Variants in GTF2I observed in about 807,000 individuals in gnomAD.
GTF2I encodes the protein general transcription factor II-I.
A neutral mutation model predicts 67.6 loss-of-function variants in GTF2I; 12 were observed. The observed-to-expected ratio is 0.18, with a 90% CI of 0.11 to 0.29. The LOEUF (loss-of-function observed/expected upper bound fraction) is 0.29. Among genes scored for constraint, GTF2I ranks in the 10% least tolerant of loss-of-function variants. The pLI is 1.00. For missense variants in GTF2I, 271 were observed against 580.1 expected (o/e 0.47, Z 5.47); for synonymous variants, 149 against 197.0 (o/e 0.76, Z 2.04).
chr7:74,686,257 A>G (rs1787718809), intron 1 of GTF2I, among the ~76,000 whole-genome samples: 1 of 152,094 alleles, frequency 6.6e-6, no homozygotes, highest in Non-Finnish European at 1.5e-5. Flanking sequence ...TTAGGTGTGA[A>G]AAGTTGGGGT....
intron 12 of GTF2I, chr7:74,727,710 T>A (rs2131500865): frequency 1.3e-5 from 2 of 152,306 alleles, no homozygotes. Context: ...GCAGCAATAT[T>A]AATAGCATGT....
intron 1 of GTF2I, among the ~76,000 whole-genome samples, chr7:74,676,343 C>T (rs1235154771): frequency 1.3e-5 from 2 of 152,158 alleles, no homozygotes; most frequent in African/African-American, 2.4e-5. Context: ...TATAGCCAGA[C>T]GTGGTGGCAG....
At chr7:74,709,475 C>G (rs1791230321) in intron 8 of GTF2I, among the ~76,000 whole-genome samples, 1 of 151,994 alleles carries the variant, frequency 6.6e-6, no homozygotes, top group Non-Finnish European at 1.5e-5. Context: ...CCAGGCTGGT[C>G]TTGAACTCCT....
chr7:74,731,385 A>G (rs1305792752), intron 14 of GTF2I, among the ~76,000 whole-genome samples: 1 of 142,684 alleles, frequency 7.0e-6, no homozygotes, highest in East Asian at 2.1e-4. Flanking sequence ...CATGAGTAAT[A>G]TAACCTACCC....
At chr7:74,663,802 A>T (rs1554387509) in intron 1 of GTF2I, among the ~76,000 whole-genome samples, 1 of 151,986 alleles carries the variant, frequency 6.6e-6, no homozygotes, top group East Asian at 1.9e-4. Flanking sequence ...GTCTTAGAAG[A>T]TGTGTGTTTT....
chr7:74,703,189 T>A (rs587766430), intron 6 of GTF2I, among the ~76,000 whole-genome samples: 18 of 150,836 alleles, frequency 1.2e-4, no homozygotes, highest in South Asian at 8.4e-4. Context: ...TAAAAAAAAA[T>A]TTTTTTTTTC....
intron 3 of GTF2I, among the ~76,000 whole-genome samples, chr7:74,698,742 GACTTGC>G (rs1554399043): frequency 6.6e-6 from 1 of 151,986 alleles, no homozygotes; most frequent in African/African-American, 2.4e-5. Context: ...AATCACAAAT[GACTTGC>G]TATTTTGTTA....
Position 74,657,763 on chromosome 7 carries a change from C to T in GTF2I, c.-311C>T. ...AGAGAAAAGGGGCCACCGGTCGCCC[C>T]CCCGCTTCCCCGCACGCGCTCTCCA... On this transcript the variant is annotated 5_prime_UTR_variant, in exon 1 of 35. Coordinates refer to ENST00000573035, the MANE Select transcript of GTF2I (RefSeq NM_032999.4). The T allele has an allele frequency of 6.6e-6, 1 of 152,418 alleles. No individual in the cohort carries two copies. Among genetic ancestry groups the T allele is most frequent in the Non-Finnish European group, 1.5e-5 (1 of 68,294 alleles). 9.4% of individuals were successfully genotyped at this position (152,418 alleles called of 1,614,324 possible). A position where few individuals can be genotyped will look rare whatever the true frequency, so the allele number is the denominator to read the frequency against.
chr7:74,704,448 A>T (rs1790319198), intron 6 of GTF2I, among the ~76,000 whole-genome samples: 1 of 151,568 alleles, frequency 6.6e-6, no homozygotes, highest in Non-Finnish European at 1.5e-5. Context: ...CCGCCACCAC[A>T]CCTGGCTAAT....
intron 1 of GTF2I, among the ~76,000 whole-genome samples, chr7:74,669,996 G>T (rs1562937198): frequency 1.3e-5 from 2 of 152,056 alleles, no homozygotes; most frequent in Non-Finnish European, 2.9e-5. Context: ...CAGAAAATAG[G>T]TTATTTTATT....
rs1794490128 is a variant in GTF2I, at chr7:74,731,629, C to T, written c.1121-850C>T. ...GCACGATCTTGGCTCACTGTAACCT[C>T]TGCCTCCCAGGTTCAAGCAATTCTC... On this transcript the variant is annotated intron_variant, in intron 14 of 34. Coordinates refer to ENST00000573035, the MANE Select transcript of GTF2I (RefSeq NM_032999.4). Among the ~76,000 whole-genome samples, 3 of 150,468 alleles carry T rather than the reference C, an allele frequency of 2.0e-5. No individual in the cohort carries two copies. The South Asian group carries it at 6.5e-4, about 32-fold the overall frequency.
chr7:74,660,642 G>A (rs1804400492), intron 1 of GTF2I, among the ~76,000 whole-genome samples: 1 of 113,112 alleles, frequency 8.8e-6, no homozygotes, highest in African/African-American at 3.2e-5. Context: ...TTTTTCGGAA[G>A]CGGAGTTTCG....
intron 1 of GTF2I, among the ~76,000 whole-genome samples, chr7:74,678,043 TTCTG>T (rs1160757895): frequency 6.6e-6 from 1 of 151,808 alleles, no homozygotes; most frequent in Non-Finnish European, 1.5e-5. Context: ...AAAGTATTAT[TTCTG>T]TCTGTCTCTC....
chr7:74,705,565 T>A (rs1225728907), intron 7 of GTF2I, among the ~76,000 whole-genome samples: 1 of 151,784 alleles, frequency 6.6e-6, no homozygotes, highest in Non-Finnish European at 1.5e-5. Flanking sequence ...TTTTTTTTTT[T>A]TTTATTTTTG....
chr7:74,735,374 A>T, intron 16 of GTF2I, 87 bp from the exon 17 acceptor site: 1 of 100,634 alleles, frequency 9.9e-6, no homozygotes, highest in Non-Finnish European at 1.8e-5. Flanking sequence ...GAAAAGTTAT[A>T]CCTCTTATTT....
intron 1 of GTF2I, among the ~76,000 whole-genome samples, chr7:74,670,706 A>C (rs145394910): frequency 0.035 from 5,302 of 151,340 alleles, 112 homozygotes; most frequent in Non-Finnish European, 0.047. Context: ...AAACAAAAAA[A>C]AAACAAAAAA....
chr7:74,753,432 G>C (rs782239213), intron 29 of GTF2I, among the ~76,000 whole-genome samples: 1 of 152,212 alleles, frequency 6.6e-6, no homozygotes, highest in African/African-American at 2.4e-5. Context: ...AGCACTTTGG[G>C]AGCCCGAGGC....
chr7:74,753,483 C>CCAA (rs1795957600), intron 29 of GTF2I, among the ~76,000 whole-genome samples: 2 of 151,502 alleles, frequency 1.3e-5, no homozygotes, highest in South Asian at 4.2e-4. Flanking sequence ...ACCAGCCTGG[C>CCAA]CAACATAGTG....
At chr7:74,712,652 CT>C (rs67504763) in intron 9 of GTF2I, among the ~76,000 whole-genome samples, 1,965 of 114,158 alleles carry the variant, frequency 0.017, 39 homozygotes, top group African/African-American at 0.056. Flanking sequence ...CAAGATTTAT[CT>C]TTTTTTTTTT....
Sources: gnomAD v4.1 joint callset for allele counts (sites outside exome capture counted in the v4.1 genomes callset) on GRCh38, gnomAD v4.1.1 for gene constraint, MANE v1.5 for transcripts, NCBI Gene and HGNC (gene_info 2026-07-23, HGNC 2026-07-21) for gene names.